SBF2: variants seen among roughly 807,000 people sequenced by gnomAD.
SBF2 encodes the protein SET binding factor 2.
Under a neutral mutation model 225.2 loss-of-function variants are expected in SBF2, and 112 were observed. The ratio of observed to expected loss-of-function variants is 0.50; its 90% CI spans 0.43 to 0.58. The LOEUF is 0.58. Ranked by LOEUF, SBF2 falls within the 20% of genes least tolerant of loss-of-function variation. SBF2 has a pLI of 0.00. For synonymous variants in SBF2, 763 were observed against 773.3 expected (o/e 0.99, Z 0.22); for missense variants, 1,996 against 2,206.2 (o/e 0.90, Z 1.91).
intron 1 of SBF2, among the ~76,000 whole-genome samples, chr11:10,256,054 T>G (rs1591315439): frequency 6.6e-6 from 1 of 152,204 alleles, no homozygotes; most frequent in Non-Finnish European, 1.5e-5. Context: ...ATTGCCAAAC[T>G]ATATGCAGAC....
intron 17 of SBF2, among the ~76,000 whole-genome samples, chr11:9,887,609 A>C (rs1860441305): frequency 6.6e-6 from 1 of 152,184 alleles, no homozygotes; most frequent in African/African-American, 2.4e-5. Context: ...ACCATTCTAA[A>C]ATTCTGCTGT....
chr11:10,279,821 G>A (rs1206907299), intron 1 of SBF2, among the ~76,000 whole-genome samples: 1 of 151,636 alleles, frequency 6.6e-6, no homozygotes, highest in Non-Finnish European at 1.5e-5. Flanking sequence ...GGCTAATTTT[G>A]GTATTGTTAG....
At chr11:10,204,596 T>C (rs1957687264) in intron 1 of SBF2, among the ~76,000 whole-genome samples, 1 of 150,976 alleles carries the variant, frequency 6.6e-6, no homozygotes, top group African/African-American at 2.4e-5. Flanking sequence ...AGGCGGAGGT[T>C]GCAGTGAGCC....
chr11:10,125,878 T>C (rs1953728655), intron 2 of SBF2, among the ~76,000 whole-genome samples: 2 of 152,236 alleles, frequency 1.3e-5, no homozygotes, highest in Admixed American at 6.5e-5. Context: ...AGAAATTTTG[T>C]AGAATGTTCC....
At chr11:9,844,461 G>A (rs889223484) in intron 24 of SBF2, among the ~76,000 whole-genome samples, 3 of 152,108 alleles carry the variant, frequency 2.0e-5, no homozygotes, top group Admixed American at 1.3e-4. Flanking sequence ...TTTTATCACC[G>A]ATGGAAGATA....
intron 1 of SBF2, among the ~76,000 whole-genome samples, chr11:10,207,301 C>CA (rs1416327788): frequency 6.6e-5 from 10 of 151,460 alleles, no homozygotes; most frequent in South Asian, 2.1e-4. Context: ...AAAAACAAAG[C>CA]AAAAAAAACT....
At chr11:10,156,390 C>T (rs1017806144) in intron 2 of SBF2, among the ~76,000 whole-genome samples, 1 of 152,168 alleles carries the variant, frequency 6.6e-6, no homozygotes, top group East Asian at 1.9e-4. Context: ...GACAGCATGT[C>T]GATGGCAGTG....
At chr11:9,916,625 T>C (rs188070283) in intron 16 of SBF2, among the ~76,000 whole-genome samples, 2 of 140,616 alleles carry the variant, frequency 1.4e-5, no homozygotes, top group East Asian at 4.0e-4. Context: ...TGAGACAGGG[T>C]CTTGCTCTGT....
At chr11:10,283,141 T>C (rs1259607080) in intron 1 of SBF2, among the ~76,000 whole-genome samples, 1 of 152,194 alleles carries the variant, frequency 6.6e-6, no homozygotes, top group East Asian at 1.9e-4. Flanking sequence ...AATTTATCAT[T>C]ACTTATTTCA....
chr11:10,177,489 C>T (rs1378276951), intron 2 of SBF2, among the ~76,000 whole-genome samples: 5 of 150,576 alleles, frequency 3.3e-5, no homozygotes, highest in African/African-American at 4.9e-5. Flanking sequence ...GCAACTTCAG[C>T]AAAGTCTCAG....
In SBF2 at chr11:10,132,949, G is replaced by A. The variant is rs1379698667; in HGVS notation, c.141+60953C>T. ...TCCAAGGCCCCACCAGAGAAGCTAG[G>A]TACAGAGTGTCGATTGGTGCATTCA... On this transcript the variant is annotated intron_variant, in intron 2 of 39. Transcript: ENST00000256190. Among the ~76,000 whole-genome samples the A allele has an allele frequency of 5.4e-5, 8 of 149,088 alleles. 1 individual carries two copies. Among genetic ancestry groups the A allele is most frequent in the Non-Finnish European group, 8.9e-5 (6 of 67,506 alleles).
At chr11:9,903,654 G>A (rs1247747667) in intron 16 of SBF2, among the ~76,000 whole-genome samples, 1 of 152,186 alleles carries the variant, frequency 6.6e-6, no homozygotes, top group African/African-American at 2.4e-5. Flanking sequence ...GGCACGTGAA[G>A]GTCAAGTGCC....
chr11:10,023,082 T>G (rs61877043), intron 6 of SBF2, among the ~76,000 whole-genome samples: 1 of 152,008 alleles, frequency 6.6e-6, no homozygotes, highest in Non-Finnish European at 1.5e-5. Context: ...ATTTCTTTCA[T>G]CTTTATTAAT....
chr11:9,832,479 A>G, intron 26 of SBF2, 59 bp from the exon 27 acceptor site: 3 of 1,237,132 alleles, frequency 2.4e-6, no homozygotes, highest in Non-Finnish European at 2.4e-6. Context: ...GGGGAAGAAA[A>G]GGGGAAAGGA....
rs564598763 is a variant in SBF2 at position 10,214,399 on chromosome 11, G to A, written c.56-20412C>T. Reference sequence around the variant, plus strand: ...AACACTTTTGGAGTCCGAGGCGGGCGGATCACAAGGTCAGGAGATCCAGAC... The same window carrying A: ...AACACTTTTGGAGTCCGAGGCGGGCAGATCACAAGGTCAGGAGATCCAGAC... On this transcript the variant is annotated intron_variant, in intron 1 of 39. Coordinates refer to ENST00000256190, the MANE Select transcript of SBF2 (RefSeq NM_030962.4). Among the ~76,000 whole-genome samples the A allele has an allele frequency of 3.8e-3, 586 of 152,252 alleles. 5 individuals carry two copies. Among genetic ancestry groups the A allele is most frequent in the South Asian group, 5.4e-3 (26 of 4,828 alleles).
At chr11:9,942,075 A>G (rs995990648) in intron 16 of SBF2, among the ~76,000 whole-genome samples, 9 of 152,226 alleles carry the variant, frequency 5.9e-5, no homozygotes, top group African/African-American at 9.6e-5. Flanking sequence ...GAGAAAAATC[A>G]TACATGTATT....
At chr11:10,213,125 G>C (rs1958000378) in intron 1 of SBF2, among the ~76,000 whole-genome samples, 1 of 152,060 alleles carries the variant, frequency 6.6e-6, no homozygotes, top group African/African-American at 2.4e-5. Context: ...TTTTGTAGCA[G>C]CATCTCTTAC....
intron 1 of SBF2, among the ~76,000 whole-genome samples, chr11:10,287,190 G>A (rs1246040381): frequency 6.6e-6 from 1 of 152,192 alleles, no homozygotes; most frequent in Non-Finnish European, 1.5e-5. Flanking sequence ...ACAGAAAACA[G>A]ATCAGTGACT....
intron 1 of SBF2, among the ~76,000 whole-genome samples, chr11:10,252,394 A>G (rs1960442815): frequency 6.6e-6 from 1 of 152,254 alleles, no homozygotes. Flanking sequence ...TATGCAGACA[A>G]GACTGAAAAC....
Sources: gnomAD v4.1 joint callset for allele counts (sites outside exome capture counted in the v4.1 genomes callset) on GRCh38, gnomAD v4.1.1 for gene constraint, MANE v1.5 for transcripts, NCBI Gene and HGNC (gene_info 2026-07-23, HGNC 2026-07-21) for gene names.